Variants in SLAIN2 observed in about 807,000 individuals in gnomAD.
The protein encoded by SLAIN2 is SLAIN family member 2.
Under a neutral mutation model 56.6 loss-of-function variants are expected in SLAIN2, and 31 were observed. The ratio of observed to expected loss-of-function variants is 0.55; its 90% CI spans 0.41 to 0.74. The LOEUF is 0.74. Ranked by LOEUF, SLAIN2 falls within the 30% of genes least tolerant of loss-of-function variation. SLAIN2 has a pLI of 0.00. For synonymous variants in SLAIN2, 317 were observed against 284.9 expected (o/e 1.11, Z -1.13); for missense variants, 777 against 754.2 (o/e 1.03, Z -0.35).
chr4:48,413,943 G>T (rs1402879036), intron 6 of SLAIN2, among the ~76,000 whole-genome samples: 1 of 152,034 alleles, frequency 6.6e-6, no homozygotes, highest in Non-Finnish European at 1.5e-5. Context: ...TCATTTTAGG[G>T]TTAAGTGCAT....
chr4:48,418,550 T>C (rs1717060291), intron 6 of SLAIN2, among the ~76,000 whole-genome samples: 1 of 152,182 alleles, frequency 6.6e-6, no homozygotes, highest in African/African-American at 2.4e-5. Context: ...GATTCTATTT[T>C]CTAATATTTT....
chr4:48,410,854 G>A (rs1186363656), intron 6 of SLAIN2, among the ~76,000 whole-genome samples: 1 of 152,056 alleles, frequency 6.6e-6, no homozygotes, highest in Non-Finnish European at 1.5e-5. Flanking sequence ...ATCTTCATTC[G>A]GGGCTTAGTG....
At chr4:48,384,616 T>C (rs1211357293) in intron 6 of SLAIN2, among the ~76,000 whole-genome samples, 3 of 152,206 alleles carry the variant, frequency 2.0e-5, no homozygotes, top group African/African-American at 4.8e-5. Flanking sequence ...TTTAGAAGTA[T>C]AGTAGAAAGA....
intron 3 of SLAIN2, among the ~76,000 whole-genome samples, chr4:48,378,588 C>G (rs1255897632): frequency 6.6e-6 from 1 of 152,054 alleles, no homozygotes; most frequent in African/African-American, 2.4e-5. Context: ...CACAATTCAC[C>G]CATTTATTTA....
chr4:48,385,638 C>CTT lies in SLAIN2; in HGVS notation c.1360+1863_1360+1864dup, dbSNP rs11423786. On this transcript the variant is annotated intron_variant, in intron 6 of 7. Transcript: ENST00000264313. ...TTTTTTCATTTTCATCTTTTTTTTT[C>CTT]TTTTTTTTTTGATTGAGTCAGGGTT... 7.2e-3 allele frequency among the ~76,000 whole-genome samples: 1,054 copies of CTT among 145,882 alleles called. 12 individuals carry two copies. Among genetic ancestry groups the CTT allele is most frequent in the African/African-American group, 0.024 (962 of 39,624 alleles).
At chr4:48,355,773 A>G (rs1278477728) in intron 1 of SLAIN2, among the ~76,000 whole-genome samples, 1 of 151,978 alleles carries the variant, frequency 6.6e-6, no homozygotes, top group East Asian at 1.9e-4. Context: ...TTATAAATAT[A>G]TAAATGTAGA....
At chr4:48,420,761 C>G (rs911245226) in intron 7 of SLAIN2, among the ~76,000 whole-genome samples, 12 of 151,926 alleles carry the variant, frequency 7.9e-5, no homozygotes, top group African/African-American at 2.9e-4. Flanking sequence ...TAATTATATT[C>G]AATAAAGATG....
intron 6 of SLAIN2, among the ~76,000 whole-genome samples, chr4:48,398,685 A>G (rs1716471859): frequency 6.6e-6 from 1 of 152,164 alleles, no homozygotes; most frequent in Admixed American, 6.5e-5. Flanking sequence ...GGTGTAAGGA[A>G]GGGGTCTAGT....
At chr4:48,397,301 A>T (rs1716425407) in intron 6 of SLAIN2, among the ~76,000 whole-genome samples, 1 of 152,200 alleles carries the variant, frequency 6.6e-6, no homozygotes, top group Admixed American at 6.5e-5. Flanking sequence ...GAAGACATTC[A>T]TGCGGCCAAC....
chr4:48,395,810 C>CTTTTTTTTTTTTTTT (rs10649464), intron 6 of SLAIN2, among the ~76,000 whole-genome samples: 1 of 72,772 alleles, frequency 1.4e-5, no homozygotes, highest in Non-Finnish European at 2.4e-5. Flanking sequence ...GAACCTTAGG[C>CTTTTTTTTTTTTTTT]TTTTTTTTTT....
Position 48,341,781 on chromosome 4 carries a change from G to A in SLAIN2, c.42G>A (p.Val14=). Residue 14 remains valine (V), a synonymous_variant, in exon 1 of 8, where the codon GTG becomes GTA. Coordinates refer to ENST00000264313, the MANE Select transcript of SLAIN2 (RefSeq NM_020846.2). ...VNSNVNADQE[V]RKLQELVKKL... ...CCAACGTGAACGCGGACCAGGAGGT[G>A]CGGAAGCTGCAGGAGCTGGTGAAGA... The A allele has an allele frequency of 6.5e-7, 1 of 1,529,904 alleles. No individual in the cohort carries two copies. The allele number at this position is 1,529,904 out of a possible 1,614,324, so 94.8% of individuals were successfully genotyped here.
intron 6 of SLAIN2, among the ~76,000 whole-genome samples, chr4:48,397,087 T>G (rs1716419140): frequency 6.6e-6 from 1 of 152,198 alleles, no homozygotes; most frequent in Admixed American, 6.5e-5. Context: ...TGAGAAAGAT[T>G]TTATTCATTC....
intron 1 of SLAIN2, among the ~76,000 whole-genome samples, chr4:48,356,841 A>G (rs1239325810): frequency 6.6e-6 from 1 of 152,180 alleles, no homozygotes; most frequent in Non-Finnish European, 1.5e-5. Flanking sequence ...TGAAAATGGA[A>G]TCATAATAGC....
chr4:48,386,778 A>G (rs1560459453), intron 6 of SLAIN2, among the ~76,000 whole-genome samples: 1 of 152,188 alleles, frequency 6.6e-6, no homozygotes, highest in African/African-American at 2.4e-5. Context: ...CGTGAGTGAT[A>G]CAGATTAATT....
intron 6 of SLAIN2, among the ~76,000 whole-genome samples, chr4:48,410,617 C>G (rs1716821250): frequency 6.6e-6 from 1 of 152,188 alleles, no homozygotes; most frequent in Non-Finnish European, 1.5e-5. Context: ...CCTTCCCTTC[C>G]CCAAGTCCGG....
At chr4:48,371,561 G>A (rs542552519) in intron 2 of SLAIN2, among the ~76,000 whole-genome samples, 4 of 152,070 alleles carry the variant, frequency 2.6e-5, no homozygotes, top group Admixed American at 2.6e-4. Context: ...CCAATTTCTG[G>A]CATTAATGTA....
intron 1 of SLAIN2, 80 bp downstream of exon 1, chr4:48,342,208 G>C: frequency 7.6e-7 from 1 of 1,320,888 alleles, no homozygotes; most frequent in Non-Finnish European, 9.6e-7. Flanking sequence ...CCCTCTGGTC[G>C]GGCGCCTCGC....
intron 2 of SLAIN2, among the ~76,000 whole-genome samples, chr4:48,371,147 C>T (rs1473316623): frequency 2.0e-5 from 3 of 150,776 alleles, no homozygotes; most frequent in East Asian, 1.9e-4. Flanking sequence ...ACTCTGTTGC[C>T]CAGGCTGGAG....
At chr4:48,374,967 A>G (rs1465120186) in intron 2 of SLAIN2, among the ~76,000 whole-genome samples, 1 of 152,174 alleles carries the variant, frequency 6.6e-6, no homozygotes, top group Non-Finnish European at 1.5e-5. Context: ...TGCCATACCC[A>G]AGGGGAGAGA....
Sources: gnomAD v4.1 joint callset for allele counts (sites outside exome capture counted in the v4.1 genomes callset) on GRCh38, gnomAD v4.1.1 for gene constraint, MANE v1.5 for transcripts, NCBI Gene and HGNC (gene_info 2026-07-23, HGNC 2026-07-21) for gene names.